DDX59: variants seen among roughly 807,000 people sequenced by gnomAD.
DDX59 encodes DEAD-box helicase 59.
In DDX59, 30 loss-of-function variants were observed where a neutral mutation model predicts 51.9. That is an observed-to-expected ratio of 0.58 (90% CI 0.43 to 0.78). The LOEUF (loss-of-function observed/expected upper bound fraction) is 0.78, where lower values mean the gene tolerates loss of function less well. DDX59 is among the 30% of genes least tolerant of loss of function. The pLI, the probability that DDX59 is intolerant of heterozygous loss-of-function variation, is 0.00. For synonymous variants in DDX59, 255 were observed against 253.3 expected, an observed-to-expected ratio of 1.01 and a Z score of -0.06; for missense variants, 672 against 730.8, an observed-to-expected ratio of 0.92 and a Z score of 0.93.
intron 3 of DDX59, 128 bp downstream of exon 3, chr1:200,663,791 C>A: frequency 2.2e-6 from 2 of 916,818 alleles, no homozygotes. Flanking sequence ...AAACCTAAGG[C>A]TTACTTGGTA....
intron 7 of DDX59, among the ~76,000 whole-genome samples, chr1:200,646,287 CTG>C (rs938695916): frequency 2.0e-5 from 3 of 152,004 alleles, no homozygotes; most frequent in African/African-American, 7.2e-5. Flanking sequence ...TGAGCTATGA[CTG>C]TGCCACTGTA....
intron 7 of DDX59, among the ~76,000 whole-genome samples, chr1:200,645,559 G>A (rs568734540): frequency 7.9e-5 from 12 of 152,228 alleles, no homozygotes; most frequent in South Asian, 2.1e-4. Flanking sequence ...TTACAGGCCC[G>A]GCTAGTTATT....
At chr1:200,652,052 A>C (rs1042865885) in intron 4 of DDX59, among the ~76,000 whole-genome samples, 4 of 152,066 alleles carry the variant, frequency 2.6e-5, no homozygotes, top group African/African-American at 4.8e-5. Flanking sequence ...TTCAGTTGCA[A>C]ATACAATCCA....
chr1:200,664,601 CT>C (rs924182877), intron 2 of DDX59, among the ~76,000 whole-genome samples: 13 of 151,522 alleles, frequency 8.6e-5, no homozygotes, highest in Admixed American at 2.0e-4. Context: ...CAATCTAGCA[CT>C]TTTTTTTTCT....
chr1:200,663,780 A>C lies in DDX59; in HGVS notation c.972+139T>G, dbSNP rs1662528372. Reference sequence around the variant, plus strand: ...TATAAAACAAACTAAAAAAAAAAAAAAAACCTAAGGCTTACTTGGTAAGAA... The same window carrying C: ...TATAAAACAAACTAAAAAAAAAAAACAAACCTAAGGCTTACTTGGTAAGAA... On this transcript the variant is annotated intron_variant, in intron 3 of 7. Coordinates refer to ENST00000331314, the MANE Select transcript of DDX59 (RefSeq NM_001031725.6). The C allele has an allele frequency of 5.3e-6, 5 of 948,480 alleles. 1 individual carries two copies. Among genetic ancestry groups the C allele is most frequent in the Non-Finnish European group, 7.1e-6 (5 of 707,692 alleles). The allele number at this position is 948,480 out of a possible 1,614,324, so 58.8% of individuals were successfully genotyped here.
downstream of DDX59, chr1:200,641,314 T>C (rs1369716738): frequency 1.1e-6 from 1 of 910,102 alleles, no homozygotes; most frequent in Non-Finnish European, 1.5e-6. Flanking sequence ...TGGATCCAGC[T>C]TAGATTTATT....
chr1:200,643,124 G>A (rs1282651095), downstream of DDX59, among the ~76,000 whole-genome samples: 1 of 151,538 alleles, frequency 6.6e-6, no homozygotes, highest in Non-Finnish European at 1.5e-5. Flanking sequence ...GAGGCCAGGA[G>A]TTTGAGACCA....
intron 1 of DDX59, among the ~76,000 whole-genome samples, chr1:200,667,929 A>T (rs1662883837): frequency 6.6e-6 from 1 of 152,204 alleles, no homozygotes; most frequent in African/African-American, 2.4e-5. Context: ...TATACATAAC[A>T]TAGCATAATG....
intron 4 of DDX59, among the ~76,000 whole-genome samples, chr1:200,655,624 C>G (rs1661970947): frequency 6.6e-6 from 1 of 152,214 alleles, no homozygotes; most frequent in African/African-American, 2.4e-5. Context: ...CACACATGCA[C>G]TTGGACTTTC....
intron 7 of DDX59, among the ~76,000 whole-genome samples, chr1:200,645,302 G>A (rs573244893): frequency 2.6e-5 from 4 of 151,494 alleles, no homozygotes; most frequent in South Asian, 2.1e-4. Flanking sequence ...TTTTTGAGGC[G>A]GAGTCTCACT....
In DDX59 at chr1:200,666,713, T is replaced by C; in HGVS notation, c.28A>G (p.Lys10Glu). The C allele has an allele frequency of 6.2e-7, 1 of 1,611,868 alleles. No individual in the cohort carries two copies. The highest frequency in any genetic ancestry group is 8.5e-7 in the Non-Finnish European group (1 of 1,178,240). The change falls in exon 2 of 8, where the codon AAG becomes GAG. Residue 10 changes from lysine to glutamate, a missense_variant. Coordinates refer to ENST00000331314, the MANE Select transcript of DDX59 (RefSeq NM_001031725.6). ...TTGCCATCATCATTAGCATTCCTCT[T>C]GATTTTTAGAGATCTTGGAACAAAC... MFVPRSLKI[K>E]RNANDDGKSC...
At chr1:200,644,625 G>A (rs930922652) in intron 7 of DDX59, 108 bp from the exon 8 acceptor site, 19 of 1,351,658 alleles carry the variant, frequency 1.4e-5, no homozygotes, top group Non-Finnish European at 1.9e-5. Flanking sequence ...GCTGGGTGCA[G>A]TGGCTCACGC....
At chr1:200,646,350 A>C (rs1431844462) in intron 7 of DDX59, among the ~76,000 whole-genome samples, 6 of 151,958 alleles carry the variant, frequency 3.9e-5, no homozygotes, top group African/African-American at 1.5e-4. Context: ...AAACAAACAA[A>C]CAAAAAAAAA....
At position 200,665,955 on chromosome 1, in the gene DDX59, G is replaced by A. The variant is rs1662700349; in HGVS notation, c.786C>T (p.Ile262=). The A allele has an allele frequency of 6.2e-7, 1 of 1,608,728 alleles. No individual in the cohort carries two copies. Reference sequence around the variant, plus strand: ...CACTTACCTCGAATAAAGCTCGCATGATAACAGGAAGAAGAAAAGCAGCTG... The same window carrying A: ...CACTTACCTCGAATAAAGCTCGCATAATAACAGGAAGAAGAAAAGCAGCTG... ...GKTAAFLLPV[I]MRALFESKTP... The change falls in exon 2 of 8, where the codon ATC becomes ATT. Residue 262 remains isoleucine (I), a synonymous_variant. Transcript: ENST00000331314.
At chr1:200,642,220 TG>T (rs1661069180), downstream of DDX59, among the ~76,000 whole-genome samples, 1 of 152,130 alleles carries the variant, frequency 6.6e-6, no homozygotes, top group Non-Finnish European at 1.5e-5. Flanking sequence ...AACAAATGTC[TG>T]AGAGTGTATG....
At chr1:200,660,089 T>C (rs1050772038) in intron 3 of DDX59, among the ~76,000 whole-genome samples, 9 of 152,236 alleles carry the variant, frequency 5.9e-5, no homozygotes, top group African/African-American at 2.2e-4. Flanking sequence ...CTATTGTATT[T>C]TGAAACCTAC....
intron 2 of DDX59, among the ~76,000 whole-genome samples, chr1:200,664,675 C>G (rs1412994961): frequency 1.3e-5 from 2 of 151,662 alleles, no homozygotes; most frequent in African/African-American, 2.4e-5. Context: ...CCTCTCTTTG[C>G]CCACTTTTTT....
chr1:200,642,839 C>A (rs1196139039), downstream of DDX59, among the ~76,000 whole-genome samples: 2 of 152,046 alleles, frequency 1.3e-5, no homozygotes, highest in African/African-American at 4.8e-5. Flanking sequence ...GTGTGGGTTT[C>A]AAGAAGGGTG....
At chr1:200,667,415 G>A (rs1168474210) in intron 1 of DDX59, among the ~76,000 whole-genome samples, 1 of 152,160 alleles carries the variant, frequency 6.6e-6, no homozygotes, top group East Asian at 1.9e-4. Context: ...TGCCTGAAAG[G>A]AATAGTGAGG....
Sources: gnomAD v4.1 joint callset for allele counts (sites outside exome capture counted in the v4.1 genomes callset) on GRCh38, gnomAD v4.1.1 for gene constraint, MANE v1.5 for transcripts, NCBI Gene and HGNC (gene_info 2026-07-23, HGNC 2026-07-21) for gene names.